Variants in DLG5 observed in about 807,000 individuals in gnomAD.
DLG5 encodes disks large homolog 5.
A neutral mutation model predicts 189.8 loss-of-function variants in DLG5; 48 were observed. That is an observed-to-expected ratio of 0.25 (90% CI 0.20 to 0.32). The LOEUF (loss-of-function observed/expected upper bound fraction) is 0.32, where lower values mean the gene tolerates loss of function less well. DLG5 is among the 10% of genes least tolerant of loss of function. The pLI, the probability that DLG5 is intolerant of heterozygous loss-of-function variation, is 1.00. For synonymous variants in DLG5, 1,016 were observed against 1,054.1 expected (o/e 0.96, Z 0.70); for missense variants, 2,160 against 2,544.7 (o/e 0.85, Z 3.25).
chr10:77,829,073 A>G, intron 12 of DLG5, 88 bp from the exon 13 acceptor site: 2 of 1,396,138 alleles, frequency 1.4e-6, no homozygotes, highest in Non-Finnish European at 2.0e-6. Context: ...CCATCTTCTT[A>G]CAAAAGAGGA....
At chr10:77,856,610 A>T in intron 3 of DLG5, 120 bp downstream of exon 3, 3 of 1,288,080 alleles carry the variant, frequency 2.3e-6, no homozygotes, top group Non-Finnish European at 3.2e-6. Context: ...GGGAAAGGGG[A>T]CACTCAGGCA....
intron 13 of DLG5, among the ~76,000 whole-genome samples, chr10:77,825,374 C>A (rs60431741): frequency 7.6e-6 from 1 of 130,816 alleles, no homozygotes; most frequent in Non-Finnish European, 1.6e-5. Context: ...CCACACACAA[C>A]CACACACACA....
upstream of DLG5, among the ~76,000 whole-genome samples, chr10:77,931,652 T>C (rs1172939059): frequency 6.6e-6 from 1 of 152,138 alleles, no homozygotes; most frequent in Non-Finnish European, 1.5e-5. Flanking sequence ...CTGTCAACTC[T>C]GCTGGGCTTC....
chr10:77,877,423 T>C (rs200611162), intron 1 of DLG5, among the ~76,000 whole-genome samples: 1 of 152,052 alleles, frequency 6.6e-6, no homozygotes, highest in East Asian at 1.9e-4. Flanking sequence ...GAGTCCACAG[T>C]TGGATAGCCT....
rs753364297 is a variant in DLG5, at chr10:77,812,224, C to A, written c.4179G>T (p.Gln1393His). The change falls in exon 21 of 32, where the codon CAG (glutamine) becomes CAT (histidine). Residue 1393 changes from glutamine (Q) to histidine (H), a missense_variant. Gln to His is a conservative substitution (Grantham distance 24). Around this residue, in one of 5 missense-constraint regions of DLG5, gnomAD observed 61 missense variants for 101.0 expected, o/e 0.60. Transcript: ENST00000372391. ...AHQAGLEYGD[Q>H]LLEFNGINLR... ...GGCAGCTCCCTCTCACCTCCAGTAA[C>A]TGATCCCCATACTCGAGGCCAGCCT... The A allele has an allele frequency of 6.2e-7, 1 of 1,613,260 alleles. No individual in the cohort carries two copies. Among genetic ancestry groups the A allele is most frequent in the Non-Finnish European group, 8.5e-7 (1 of 1,179,406 alleles).
At chr10:77,935,794 G>A in the DLG5 span, among the ~76,000 whole-genome samples, 1 of 152,126 alleles carries the variant, frequency 6.6e-6, no homozygotes, top group Non-Finnish European at 1.5e-5. Context: ...TGAACACGTG[G>A]ATGTGTGTGA....
At chr10:77,921,658 ACACGTCCT>A (rs141858326) in intron 1 of DLG5, among the ~76,000 whole-genome samples, 1 of 152,206 alleles carries the variant, frequency 6.6e-6, no homozygotes, top group Non-Finnish European at 1.5e-5. Flanking sequence ...TACGCAGCCC[ACACGTCCT>A]CCCTCCATGG....
chr10:77,810,921 A>G (rs1260906446), intron 23 of DLG5, among the ~76,000 whole-genome samples, 173 bp downstream of exon 23: 1 of 152,182 alleles, frequency 6.6e-6, no homozygotes, highest in Non-Finnish European at 1.5e-5. Context: ...AGGAAAAGAG[A>G]GAGTAGGGAA....
intron 26 of DLG5, 23 bp downstream of exon 26, chr10:77,806,734 AC>A: frequency 1.3e-6 from 1 of 751,116 alleles, no homozygotes; most frequent in Non-Finnish European, 2.1e-6. Context: ...GCCCCACCCC[AC>A]CCCAGGCCCG....
At chr10:77,848,993 G>T (rs969220499) in intron 5 of DLG5, among the ~76,000 whole-genome samples, 1 of 152,140 alleles carries the variant, frequency 6.6e-6, no homozygotes, top group African/African-American at 2.4e-5. Context: ...AGGGTCTTCT[G>T]GGCATTCTTG....
At chr10:77,874,605 A>G (rs559421515) in intron 1 of DLG5, among the ~76,000 whole-genome samples, 1 of 152,340 alleles carries the variant, frequency 6.6e-6, no homozygotes, top group South Asian at 2.1e-4. Context: ...ATGAAATGAG[A>G]ATACGTTTCA....
chr10:77,840,945 T>C (rs11002312), intron 7 of DLG5, among the ~76,000 whole-genome samples: 1 of 152,348 alleles, frequency 6.6e-6, no homozygotes, highest in East Asian at 1.9e-4. Context: ...ATCCAATGCA[T>C]ACCAGCCCTG....
intron 2 of DLG5, among the ~76,000 whole-genome samples, chr10:77,859,541 G>A (rs1276597095): frequency 6.6e-6 from 1 of 152,074 alleles, no homozygotes; most frequent in Non-Finnish European, 1.5e-5. Context: ...ACTTACCATT[G>A]TGTTACAACT....
In DLG5 at chr10:77,887,155, G is replaced by A. The variant is rs117705624; in HGVS notation, c.305-17958C>T. Among the ~76,000 whole-genome samples the A allele has an allele frequency of 1.3e-3, 196 of 152,254 alleles. 2 individuals carry two copies. Among genetic ancestry groups the A allele is most frequent in the East Asian group, 7.5e-3 (39 of 5,180 alleles). Reference sequence around the variant, plus strand: ...TAAAACTTCAGCCCCCAGGACAAACGTATTGCTGTTAGCCCCATTTTACAG... The same window carrying A: ...TAAAACTTCAGCCCCCAGGACAAACATATTGCTGTTAGCCCCATTTTACAG... On this transcript the variant is annotated intron_variant, in intron 1 of 31. Coordinates refer to ENST00000372391, the MANE Select transcript of DLG5 (RefSeq NM_004747.4).
chr10:77,929,010 C>G (rs1291797215), upstream of DLG5: 1 of 151,594 alleles, frequency 6.6e-6, no homozygotes, highest in Admixed American at 6.6e-5. Flanking sequence ...GCTGGGTGAC[C>G]GAGCAAGACT....
intron 27 of DLG5, among the ~76,000 whole-genome samples, chr10:77,797,755 G>C (rs1012288717): frequency 7.2e-5 from 11 of 152,220 alleles, no homozygotes; most frequent in Admixed American, 5.9e-4. Context: ...CAGGGACCAG[G>C]AGGCAGAAGG....
intron 1 of DLG5, among the ~76,000 whole-genome samples, chr10:77,917,870 T>C (rs1158178386): frequency 2.7e-5 from 4 of 150,652 alleles, no homozygotes; most frequent in Non-Finnish European, 5.9e-5. Context: ...CTACTAAAAA[T>C]ACAAAAATTA....
At chr10:77,817,224 G>A in intron 18 of DLG5, 128 bp from the exon 19 acceptor site, 1 of 822,618 alleles carries the variant, frequency 1.2e-6, no homozygotes, top group East Asian at 2.6e-5. Flanking sequence ...TCCCAAGGGA[G>A]CCTTGATATG....
At position 77,830,347 on chromosome 10, in the gene DLG5, GC is replaced by G. The variant is rs1842840609; in HGVS notation, c.1882-4del. 8 of 1,613,976 alleles carry G rather than the reference GC, an allele frequency of 5.0e-6. No individual in the cohort carries two copies. The highest frequency in any genetic ancestry group is 6.8e-6 in the Non-Finnish European group (8 of 1,180,012). Reference sequence around the variant, plus strand: ...AGTGCCTTCAAGTCAATATCCTCCTGCAAAAACAGCAGCAACAGCAACGCAT... The same window carrying G: ...AGTGCCTTCAAGTCAATATCCTCCTGAAAAACAGCAGCAACAGCAACGCAT... On this transcript the variant is annotated splice_polypyrimidine_tract_variant and splice_region_variant and intron_variant, in intron 10 of 31. Transcript: ENST00000372391.
Sources: allele counts gnomAD v4.1 joint callset (sites outside exome capture counted in the v4.1 genomes callset), GRCh38; gene constraint gnomAD v4.1.1; regional missense constraint gnomAD v4.1.1; transcripts MANE v1.5; gene names NCBI Gene and HGNC (gene_info 2026-07-23, HGNC 2026-07-21).